BMP6: variants seen among roughly 807,000 people sequenced by gnomAD.
The protein encoded by BMP6 is bone morphogenetic protein 6.
A neutral mutation model predicts 54.1 loss-of-function variants in BMP6; 17 were observed. That is an observed-to-expected ratio of 0.31 (90% CI 0.22 to 0.47). The LOEUF (loss-of-function observed/expected upper bound fraction) is 0.47. BMP6 is among the 20% of genes least tolerant of loss of function. The probability of loss-of-function intolerance (pLI) is 1.00; values close to 1 mark genes in which losing one functional copy is unlikely to be tolerated. For missense variants in BMP6, 720 were observed against 690.4 expected (o/e 1.04, Z -0.48); for synonymous variants, 328 against 291.2 (o/e 1.13, Z -1.28).
intron 2 of BMP6, among the ~76,000 whole-genome samples, chr6:7,852,409 C>T (rs913443438): frequency 3.3e-5 from 5 of 152,042 alleles, no homozygotes; most frequent in African/African-American, 1.2e-4. Context: ...CCTGTCTCTA[C>T]AAAAATAAAA....
intron 1 of BMP6, among the ~76,000 whole-genome samples, chr6:7,765,485 A>G (rs953564587): frequency 2.6e-5 from 4 of 152,210 alleles, no homozygotes; most frequent in African/African-American, 9.6e-5. Context: ...ACCACACCTG[A>G]TATTAATAAG....
chr6:7,757,173 A>G (rs965421563), intron 1 of BMP6, among the ~76,000 whole-genome samples: 1 of 152,234 alleles, frequency 6.6e-6, no homozygotes, highest in Non-Finnish European at 1.5e-5. Flanking sequence ...GTATCCTTCC[A>G]TTTGTAAAAT....
intron 1 of BMP6, among the ~76,000 whole-genome samples, chr6:7,830,686 G>A (rs950273478): frequency 1.3e-5 from 2 of 152,218 alleles, no homozygotes; most frequent in African/African-American, 4.8e-5. Flanking sequence ...TCACAATCAT[G>A]ATGGAAGACA....
At position 7,779,581 on chromosome 6, in the gene BMP6, C is replaced by T. The variant is rs542377259; in HGVS notation, c.664+51962C>T. Among the ~76,000 whole-genome samples the T allele has an allele frequency of 9.1e-4, 139 of 152,282 alleles. 1 individual carries two copies. Among genetic ancestry groups the T allele is most frequent in the Middle Eastern group, 3.4e-3 (1 of 294 alleles). On this transcript the variant is annotated intron_variant, in intron 1 of 6. Transcript: ENST00000283147. ...TCTTGAACTCCTGGCCTCAAGTGATCTGCCTGCCTCGGCCTCCCAAAGTGC... is the reference window on the plus strand; with the variant it reads ...TCTTGAACTCCTGGCCTCAAGTGATTTGCCTGCCTCGGCCTCCCAAAGTGC...
intron 1 of BMP6, among the ~76,000 whole-genome samples, chr6:7,768,532 T>C (rs1757727742): frequency 6.6e-6 from 1 of 152,216 alleles, no homozygotes; most frequent in African/African-American, 2.4e-5. Flanking sequence ...TTCTGGTATT[T>C]GCCACCTGCT....
intron 1 of BMP6, among the ~76,000 whole-genome samples, chr6:7,814,222 T>G (rs1758489163): frequency 1.3e-5 from 2 of 152,238 alleles, no homozygotes; most frequent in South Asian, 4.1e-4. Flanking sequence ...CCCTTCTGAT[T>G]GTACTCAAAG....
At chr6:7,790,352 C>CAA (rs140633317) in intron 1 of BMP6, among the ~76,000 whole-genome samples, 3 of 150,100 alleles carry the variant, frequency 2.0e-5, no homozygotes, top group South Asian at 2.1e-4. Context: ...CCATCTCTAC[C>CAA]AAAAAAAATA....
At chr6:7,836,345 T>C (rs768932147) in intron 1 of BMP6, among the ~76,000 whole-genome samples, 4 of 152,202 alleles carry the variant, frequency 2.6e-5, no homozygotes, top group Non-Finnish European at 5.9e-5. Context: ...GAGAGTTTTA[T>C]TGTGGCAACG....
chr6:7,819,448 T>A (rs1388109287), intron 1 of BMP6, among the ~76,000 whole-genome samples: 1 of 152,210 alleles, frequency 6.6e-6, no homozygotes, highest in Non-Finnish European at 1.5e-5. Flanking sequence ...TAACAGTATT[T>A]TTTTTTACTA....
intron 1 of BMP6, among the ~76,000 whole-genome samples, chr6:7,779,317 T>A (rs1440139060): frequency 1.3e-5 from 2 of 151,220 alleles, no homozygotes; most frequent in African/African-American, 4.9e-5. Flanking sequence ...GATTTTAATT[T>A]GTAAACTTAT....
At chr6:7,775,289 GGA>G (rs1757846542) in intron 1 of BMP6, among the ~76,000 whole-genome samples, 1 of 152,128 alleles carries the variant, frequency 6.6e-6, no homozygotes, top group Non-Finnish European at 1.5e-5. Flanking sequence ...GAGATCTCTA[GGA>G]TATATAAATT....
chr6:7,766,438 AC>A (rs1309265082), intron 1 of BMP6, among the ~76,000 whole-genome samples: 1 of 152,100 alleles, frequency 6.6e-6, no homozygotes, highest in Non-Finnish European at 1.5e-5. Flanking sequence ...ACATAGTGGG[AC>A]CCTGTCTCTA....
At chr6:7,738,726 G>A (rs911749) in intron 1 of BMP6, among the ~76,000 whole-genome samples, 33,576 of 152,138 alleles carry the variant, frequency 0.22, 3,764 homozygotes, top group East Asian at 0.32. Context: ...ACACATTGAC[G>A]TATAAGGAAC....
intron 1 of BMP6, among the ~76,000 whole-genome samples, chr6:7,774,320 A>AG (rs1254309291): frequency 6.6e-6 from 1 of 152,072 alleles, no homozygotes; most frequent in Non-Finnish European, 1.5e-5. Flanking sequence ...GAGGCTGAGG[A>AG]GGGTGGATTA....
intron 1 of BMP6, among the ~76,000 whole-genome samples, chr6:7,803,935 A>G (rs1243291029): frequency 6.6e-6 from 1 of 152,186 alleles, no homozygotes; most frequent in African/African-American, 2.4e-5. Context: ...ATATAATTGC[A>G]TTTTCCCCTC....
intron 1 of BMP6, among the ~76,000 whole-genome samples, chr6:7,830,644 T>C (rs945456348): frequency 1.3e-5 from 2 of 152,220 alleles, no homozygotes; most frequent in Admixed American, 6.5e-5. Flanking sequence ...AGAGGTTTAA[T>C]GGACTCACAG....
At chr6:7,858,849 C>A (rs1362662141) in intron 2 of BMP6, among the ~76,000 whole-genome samples, 1 of 150,656 alleles carries the variant, frequency 6.6e-6, no homozygotes, top group Non-Finnish European at 1.5e-5. Flanking sequence ...GCCATAGGAC[C>A]ACATAGAGTT....
At position 7,783,566 on chromosome 6, in the gene BMP6, C is replaced by T. The variant is rs1173612037; in HGVS notation, c.664+55947C>T. Among the ~76,000 whole-genome samples the T allele has an allele frequency of 3.9e-5, 6 of 152,348 alleles. No homozygotes were observed. In the East Asian group the frequency reaches 5.8e-4, roughly 15 times the overall value. Reference sequence around the variant, plus strand: ...AACAATTCGTAAGAACTATCAGATACGTACGATAAATCACGCCAAGGGCGC... The same window carrying T: ...AACAATTCGTAAGAACTATCAGATATGTACGATAAATCACGCCAAGGGCGC... On this transcript the variant is annotated intron_variant, in intron 1 of 6. Coordinates refer to ENST00000283147, the MANE Select transcript of BMP6 (RefSeq NM_001718.6).
chr6:7,727,888 C>T (rs773045117), intron 1 of BMP6, among the ~76,000 whole-genome samples: 2 of 151,436 alleles, frequency 1.3e-5, no homozygotes, highest in African/African-American at 2.4e-5. Flanking sequence ...GCGCTGTCCC[C>T]AGCGGGCGTG....
Sources: allele counts gnomAD v4.1 joint callset (sites outside exome capture counted in the v4.1 genomes callset), GRCh38; gene constraint gnomAD v4.1.1; transcripts MANE v1.5; gene names NCBI Gene and HGNC (gene_info 2026-07-23, HGNC 2026-07-21).